Variants in STXBP6 observed in about 807,000 individuals in gnomAD.
STXBP6 encodes the protein syntaxin-binding protein 6.
In STXBP6, 21 loss-of-function variants were observed where a neutral mutation model predicts 26.9. The observed-to-expected ratio is 0.78, with a 90% CI of 0.55 to 1.12. The LOEUF (loss-of-function observed/expected upper bound fraction) is 1.12. Among genes scored for constraint, STXBP6 ranks in the 50% most tolerant of loss-of-function variants. STXBP6 has a pLI of 0.00. For synonymous variants in STXBP6, 97 were observed against 92.6 expected (o/e 1.05, Z -0.27); for missense variants, 232 against 257.9 (o/e 0.90, Z 0.69).
intron 2 of STXBP6, among the ~76,000 whole-genome samples, chr14:24,867,669 C>T (rs576252335): frequency 2.0e-5 from 3 of 151,910 alleles, no homozygotes; most frequent in Non-Finnish European, 4.4e-5. Context: ...AAAAATAAAT[C>T]GAAATGGGTG....
chr14:24,932,226 G>A (rs1393640897), intron 2 of STXBP6, among the ~76,000 whole-genome samples: 14 of 152,210 alleles, frequency 9.2e-5, no homozygotes, highest in Admixed American at 8.5e-4. Flanking sequence ...GGCTAACATG[G>A]TGAAACTCCA....
intron 1 of STXBP6, among the ~76,000 whole-genome samples, chr14:25,047,024 G>A (rs935753652): frequency 2.6e-5 from 4 of 152,130 alleles, no homozygotes; most frequent in African/African-American, 9.7e-5. Context: ...TCCTTCCAGG[G>A]CCTGGGTAAG....
intron 4 of STXBP6, among the ~76,000 whole-genome samples, chr14:24,851,883 A>G (rs1162336463): frequency 1.3e-5 from 2 of 152,134 alleles, no homozygotes; most frequent in East Asian, 3.9e-4. Flanking sequence ...AGTTTTCCCA[A>G]TGACAGGGTT....
intron 1 of STXBP6, among the ~76,000 whole-genome samples, chr14:25,032,757 A>C (rs1328117128): frequency 6.6e-6 from 1 of 152,246 alleles, no homozygotes; most frequent in East Asian, 1.9e-4. Flanking sequence ...ACACCTCAGA[A>C]GGTTAGTGTT....
intron 2 of STXBP6, among the ~76,000 whole-genome samples, chr14:24,918,451 AC>A (rs2071850004): frequency 1.3e-5 from 1 of 74,818 alleles, no homozygotes; most frequent in South Asian, 5.1e-4. Context: ...CCACACCCCC[AC>A]CACACACACA....
chr14:24,810,097 T>C lies in STXBP6; in HGVS notation c.*2612A>G, dbSNP rs2067778632. 6.6e-6 allele frequency: 1 copy of C among 152,236 alleles called. No homozygotes were observed. The highest frequency in any genetic ancestry group is 6.5e-5 in the Admixed American group (1 of 15,284). The allele number at this position is 152,236 out of a possible 1,614,324, so 9.4% of individuals were successfully genotyped here. ...GGTATCTAATAATACTAGTGAGAAA[T>C]ACTACAGCTATATTCCAGGAAGAAG... On this transcript the variant is annotated 3_prime_UTR_variant, in exon 6 of 6. Transcript: ENST00000323944.
chr14:24,962,528 A>AC (rs2073583117), intron 2 of STXBP6, among the ~76,000 whole-genome samples: 1 of 151,846 alleles, frequency 6.6e-6, no homozygotes, highest in Admixed American at 6.6e-5. Flanking sequence ...GGGTTTCTCC[A>AC]CGTTGGCCAG....
At chr14:24,928,928 T>C (rs904707345) in intron 2 of STXBP6, among the ~76,000 whole-genome samples, 6 of 150,870 alleles carry the variant, frequency 4.0e-5, no homozygotes, top group African/African-American at 7.4e-5. Flanking sequence ...GAAATTTCCA[T>C]TAAAACCCAA....
chr14:24,920,942 AG>A (rs1410301075), intron 2 of STXBP6, among the ~76,000 whole-genome samples: 1 of 152,116 alleles, frequency 6.6e-6, no homozygotes, highest in Non-Finnish European at 1.5e-5. Context: ...ATGCAACCCA[AG>A]ATCTAGAAAT....
intron 1 of STXBP6, among the ~76,000 whole-genome samples, chr14:25,008,075 A>G (rs2140363488): frequency 6.6e-6 from 1 of 152,354 alleles, no homozygotes; most frequent in South Asian, 2.1e-4. Context: ...GCCAGAAATG[A>G]GGATAGGAAA....
intron 1 of STXBP6, among the ~76,000 whole-genome samples, chr14:24,990,934 AGAG>A (rs1296237693): frequency 2.6e-5 from 4 of 151,486 alleles, no homozygotes; most frequent in East Asian, 1.9e-4. Context: ...AGGAGAGAGC[AGAG>A]GAGGAGAGAG....
intron 1 of STXBP6, among the ~76,000 whole-genome samples, chr14:25,031,062 T>G (rs1399448699): frequency 1.3e-5 from 2 of 152,166 alleles, no homozygotes; most frequent in Non-Finnish European, 2.9e-5. Flanking sequence ...CGCTTCGAAA[T>G]TATTTCTTCA....
intron 4 of STXBP6, among the ~76,000 whole-genome samples, chr14:24,847,825 G>A (rs2069015776): frequency 6.6e-6 from 1 of 152,156 alleles, no homozygotes; most frequent in Non-Finnish European, 1.5e-5. Flanking sequence ...CTCTGGCACA[G>A]TGTTACTTGA....
chr14:24,953,766 C>G (rs1344162837), intron 2 of STXBP6, among the ~76,000 whole-genome samples: 1 of 152,192 alleles, frequency 6.6e-6, no homozygotes, highest in African/African-American at 2.4e-5. Context: ...AAAACTATCT[C>G]AGGCTAAATG....
chr14:24,999,413 G>T (rs185274939), intron 1 of STXBP6, among the ~76,000 whole-genome samples: 21 of 152,208 alleles, frequency 1.4e-4, no homozygotes, highest in East Asian at 7.7e-4. Context: ...TGAAAGAAAA[G>T]AACTTTTTCA....
chr14:24,833,551 A>G (rs1282328978), intron 4 of STXBP6, among the ~76,000 whole-genome samples: 1 of 152,226 alleles, frequency 6.6e-6, no homozygotes, highest in East Asian at 1.9e-4. Flanking sequence ...AATGGAAGAT[A>G]TATTTGGTTT....
intron 2 of STXBP6, among the ~76,000 whole-genome samples, chr14:24,947,350 G>C (rs11159000): frequency 0.12 from 18,356 of 152,202 alleles, 1,404 homozygotes; most frequent in East Asian, 0.37. Flanking sequence ...GCATTTTGAA[G>C]AAAATAGGGA....
chr14:24,933,104 G>A (rs2072475852), intron 2 of STXBP6, among the ~76,000 whole-genome samples: 1 of 152,348 alleles, frequency 6.6e-6, no homozygotes, highest in African/African-American at 2.4e-5. Context: ...CACTGTGGAG[G>A]CCAAGGCGGA....
intron 1 of STXBP6, among the ~76,000 whole-genome samples, chr14:25,043,788 TG>T (rs2075680081): frequency 6.6e-6 from 1 of 152,220 alleles, no homozygotes; most frequent in Admixed American, 6.5e-5. Context: ...TTCCTTTCTA[TG>T]TTTGAATAGT....
Sources: allele counts gnomAD v4.1 joint callset (sites outside exome capture counted in the v4.1 genomes callset), GRCh38; gene constraint gnomAD v4.1.1; transcripts MANE v1.5; gene names NCBI Gene and HGNC (gene_info 2026-07-23, HGNC 2026-07-21).